The following CEP57 variants were observed in gnomAD, a reference collection of about 807,000 sequenced individuals.
The protein encoded by CEP57 is centrosomal protein 57.
In CEP57, 40 loss-of-function variants were observed where a neutral mutation model predicts 68.0. That is an observed-to-expected ratio of 0.59 (90% CI 0.46 to 0.77). The LOEUF is 0.77. Ranked by LOEUF, CEP57 falls within the 30% of genes least tolerant of loss-of-function variation. The pLI is 0.00. For synonymous variants in CEP57, 219 were observed against 198.7 expected, an observed-to-expected ratio of 1.10 and a Z score of -0.86; for missense variants, 606 against 580.7, an observed-to-expected ratio of 1.04 and a Z score of -0.45.
intron 2 of CEP57, among the ~76,000 whole-genome samples, chr11:95,808,858 T>C (rs2135300391): frequency 6.6e-6 from 1 of 152,308 alleles, no homozygotes; most frequent in South Asian, 2.1e-4. Flanking sequence ...GCGAACCTAA[T>C]AGACATCTAC....
At position 95,832,658 on chromosome 11, in the gene CEP57, A is replaced by G. The variant is rs747720736; in HGVS notation, c.*1402A>G. 6.6e-6 allele frequency: 1 copy of G among 151,928 alleles called. No individual in the cohort carries two copies. Among genetic ancestry groups the G allele is most frequent in the Admixed American group, 6.6e-5 (1 of 15,184 alleles). The allele number at this position is 151,928 out of a possible 1,614,324, so 9.4% of individuals were successfully genotyped here. ...AAACTCCTGTTATCTCCTTGTTTGA[A>G]TTTCAGGTCATTAAATTGTATAACC... is the stretch of plus-strand genomic sequence containing the variant. On this transcript the variant is annotated 3_prime_UTR_variant, in exon 11 of 11. Coordinates refer to ENST00000325542, the MANE Select transcript of CEP57 (RefSeq NM_014679.5).
chr11:95,810,726 T>C (rs1862021504), intron 2 of CEP57, among the ~76,000 whole-genome samples: 1 of 152,192 alleles, frequency 6.6e-6, no homozygotes, highest in Non-Finnish European at 1.5e-5. Flanking sequence ...GAACATTCCA[T>C]ACTCATGGAT....
chr11:95,791,669 G>A (rs974011081), intron 1 of CEP57, among the ~76,000 whole-genome samples: 7 of 152,184 alleles, frequency 4.6e-5, no homozygotes, highest in African/African-American at 1.7e-4. Flanking sequence ...AATCTAGAGG[G>A]GAGTGATTAA....
At chr11:95,803,738 A>G (rs1376793183) in intron 2 of CEP57, among the ~76,000 whole-genome samples, 2 of 141,488 alleles carry the variant, frequency 1.4e-5, no homozygotes, top group African/African-American at 2.5e-5. Flanking sequence ...TTCTAGCTAC[A>G]AAAGAGCTTT....
intron 8 of CEP57, chr11:95,826,728 T>C (rs1417625653): frequency 6.6e-6 from 1 of 152,190 alleles, no homozygotes; most frequent in Non-Finnish European, 1.5e-5. Context: ...ATTTTTTAAA[T>C]TATTGCATAT....
intron 6 of CEP57, among the ~76,000 whole-genome samples, chr11:95,820,573 CAA>C (rs1862476339): frequency 1.4e-5 from 1 of 69,240 alleles, no homozygotes; most frequent in African/African-American, 4.9e-5. Context: ...TCCTGGGCAA[CAA>C]GAGCAAAAAA....
intron 4 of CEP57, among the ~76,000 whole-genome samples, chr11:95,813,877 C>G (rs1311661835): frequency 6.6e-6 from 1 of 152,166 alleles, no homozygotes; most frequent in African/African-American, 2.4e-5. Context: ...CCATATACCT[C>G]TGTATCTCTG....
intron 8 of CEP57, among the ~76,000 whole-genome samples, chr11:95,824,619 A>G (rs568928706): frequency 2.6e-5 from 4 of 152,310 alleles, no homozygotes; most frequent in Middle Eastern, 3.4e-3. Context: ...ATTGAGGAGA[A>G]AGGGTATCTT....
intron 6 of CEP57, among the ~76,000 whole-genome samples, chr11:95,821,493 G>T (rs1452804089): frequency 6.6e-6 from 1 of 151,956 alleles, no homozygotes; most frequent in African/African-American, 2.4e-5. Flanking sequence ...TCTGCTCTTC[G>T]GCTGTTTTGT....
intron 2 of CEP57, among the ~76,000 whole-genome samples, chr11:95,805,903 AAC>A (rs959284550): frequency 1.3e-4 from 20 of 152,294 alleles, no homozygotes; most frequent in African/African-American, 4.3e-4. Flanking sequence ...TCAATACAAA[AAC>A]ACTTTTTCTA....
intron 8 of CEP57, among the ~76,000 whole-genome samples, chr11:95,825,497 A>G (rs1271687883): frequency 6.6e-6 from 1 of 152,230 alleles, no homozygotes; most frequent in African/African-American, 2.4e-5. Flanking sequence ...AACCAGTGCC[A>G]CAAGATGAAG....
At chr11:95,802,909 A>G (rs932681515) in intron 2 of CEP57, among the ~76,000 whole-genome samples, 1 of 152,190 alleles carries the variant, frequency 6.6e-6, no homozygotes, top group Non-Finnish European at 1.5e-5. Context: ...TCATGTAAAT[A>G]CTTTTTTACC....
chr11:95,808,601 G>A (rs1029156500), intron 2 of CEP57, among the ~76,000 whole-genome samples: 2 of 151,752 alleles, frequency 1.3e-5, no homozygotes, highest in African/African-American at 4.8e-5. Context: ...TAGATCAAAA[G>A]AGACAAAGAA....
chr11:95,823,347 T>C (rs980056013), intron 8 of CEP57: 6 of 152,230 alleles, frequency 3.9e-5, no homozygotes, highest in African/African-American at 1.4e-4. Flanking sequence ...GTCCGAACTC[T>C]GTGTGGGTCT....
At chr11:95,797,368 A>G (rs1861394959) in intron 1 of CEP57, among the ~76,000 whole-genome samples, 1 of 152,012 alleles carries the variant, frequency 6.6e-6, no homozygotes. Flanking sequence ...GAGTTTCACC[A>G]TGTTGGCCAG....
rs1863017852 is a variant in CEP57 at position 95,831,793 on chromosome 11, T to C, written c.*537T>C. On this transcript the variant is annotated 3_prime_UTR_variant, in exon 11 of 11. Transcript: ENST00000325542. ...TTTCAGAGGATTTTTATTTTGCTTT[T>C]TGGCATTTCAGACTTTGATCAGTGT... 1 of 152,202 alleles carries C rather than the reference T, an allele frequency of 6.6e-6. No individual in the cohort carries two copies. Among genetic ancestry groups the C allele is most frequent in the Non-Finnish European group, 1.5e-5 (1 of 68,076 alleles). The allele number at this position is 152,202 out of a possible 1,614,324, so 9.4% of individuals were successfully genotyped here. A position where few individuals can be genotyped will look rare whatever the true frequency, so the allele number is the denominator to read the frequency against.
At chr11:95,822,701 C>CCTTTACCAGTGTGTGGATCAT in intron 8 of CEP57, 125 bp downstream of exon 8, 1 of 435,798 alleles carries the variant, frequency 2.3e-6, no homozygotes, top group Non-Finnish European at 4.5e-6. Flanking sequence ...GTGTGGATCA[C>CCTTTACCAGTGTGTGGATCAT]AGTGATGTGA....
intron 1 of CEP57, among the ~76,000 whole-genome samples, chr11:95,796,058 A>G (rs1016911256): frequency 5.3e-5 from 8 of 152,178 alleles, no homozygotes; most frequent in Non-Finnish European, 1.0e-4. Context: ...CTTAGTCTCT[A>G]TTACATCCAA....
At chr11:95,800,200 A>T (rs1424041766) in intron 2 of CEP57, among the ~76,000 whole-genome samples, 1 of 152,128 alleles carries the variant, frequency 6.6e-6, no homozygotes, top group African/African-American at 2.4e-5. Context: ...GGCTCTGGGG[A>T]AGATCTGCTT....
Sources: gnomAD v4.1 joint callset for allele counts (sites outside exome capture counted in the v4.1 genomes callset) on GRCh38, gnomAD v4.1.1 for gene constraint, MANE v1.5 for transcripts, NCBI Gene and HGNC (gene_info 2026-07-23, HGNC 2026-07-21) for gene names.